The following STAG1 variants were observed in gnomAD, a reference collection of about 807,000 sequenced individuals.
The protein encoded by STAG1 is STAG1 cohesin complex component.
STAG1 carries 26 observed loss-of-function variants against 170.9 expected under a neutral mutation model. The ratio of observed to expected loss-of-function variants is 0.15; its 90% CI spans 0.11 to 0.21. The LOEUF is 0.21. STAG1 is among the 10% of genes least tolerant of loss of function. The pLI, the probability that STAG1 is intolerant of heterozygous loss-of-function variation, is 1.00. For missense variants in STAG1, 964 were observed against 1,509.5 expected (o/e 0.64, Z 5.99); for synonymous variants, 514 against 497.7 (o/e 1.03, Z -0.44).
intron 1 of STAG1, among the ~76,000 whole-genome samples, chr3:136,660,841 C>T (rs531116128): frequency 1.3e-5 from 2 of 151,966 alleles, no homozygotes; most frequent in Non-Finnish European, 2.9e-5. Flanking sequence ...TAGTGGTACA[C>T]GCCTGTAGTC....
intron 1 of STAG1, among the ~76,000 whole-genome samples, chr3:136,733,257 G>A (rs560570975): frequency 1.3e-5 from 2 of 151,598 alleles, no homozygotes; most frequent in Non-Finnish European, 2.9e-5. Flanking sequence ...GCTAATTTTT[G>A]TATTTTTTTG....
At chr3:136,394,938 C>CAAAA (rs778204800) in intron 22 of STAG1, among the ~76,000 whole-genome samples, 1 of 59,296 alleles carries the variant, frequency 1.7e-5, no homozygotes, top group Non-Finnish European at 3.7e-5. Flanking sequence ...GACTCTGTCT[C>CAAAA]AAAAAAAAAA....
intron 1 of STAG1, among the ~76,000 whole-genome samples, chr3:136,700,500 A>G (rs976349020): frequency 6.6e-6 from 1 of 150,554 alleles, no homozygotes; most frequent in Non-Finnish European, 1.5e-5. Context: ...GCTCACCGCA[A>G]CCTCCACCTC....
At chr3:136,502,032 T>G (rs1258810874) in intron 8 of STAG1, among the ~76,000 whole-genome samples, 1 of 151,850 alleles carries the variant, frequency 6.6e-6, no homozygotes, top group Non-Finnish European at 1.5e-5. Flanking sequence ...AAATACAAAA[T>G]TAGCCAGGAG....
At chr3:136,751,957 C>G (rs548575145) in intron 1 of STAG1, among the ~76,000 whole-genome samples, 72 of 150,904 alleles carry the variant, frequency 4.8e-4, no homozygotes, top group African/African-American at 1.6e-3. Context: ...GGGTGCCCAC[C>G]GCGCCCACAG....
intron 1 of STAG1, among the ~76,000 whole-genome samples, chr3:136,736,238 AGGCAGCACCAAT>A: frequency 6.6e-6 from 1 of 152,370 alleles, no homozygotes; most frequent in East Asian, 1.9e-4. Context: ...TGGGAAGAGA[AGGCAGCACCAAT>A]GGCGGCACCT....
intron 4 of STAG1, among the ~76,000 whole-genome samples, chr3:136,583,405 T>A (rs1937639772): frequency 6.6e-6 from 1 of 152,146 alleles, no homozygotes; most frequent in Non-Finnish European, 1.5e-5. Context: ...TTATCATGAA[T>A]TTTTTTAATG....
chr3:136,509,389 G>GGA (rs1412586853), intron 7 of STAG1, among the ~76,000 whole-genome samples: 1 of 146,308 alleles, frequency 6.8e-6, no homozygotes, highest in Non-Finnish European at 1.5e-5. Flanking sequence ...AGGACCACTT[G>GGA]GAAAAAAAAA....
intron 4 of STAG1, among the ~76,000 whole-genome samples, chr3:136,580,557 C>T (rs1370233367): frequency 4.7e-5 from 6 of 128,756 alleles, no homozygotes; most frequent in African/African-American, 1.2e-4. Context: ...GACGGAGTCT[C>T]GCTCTGTCGC....
At chr3:136,619,041 A>G (rs999469960) in intron 3 of STAG1, among the ~76,000 whole-genome samples, 4 of 152,250 alleles carry the variant, frequency 2.6e-5, no homozygotes, top group African/African-American at 9.6e-5. Context: ...GTGTACATAC[A>G]TAGAGGAGAA....
intron 1 of STAG1, among the ~76,000 whole-genome samples, chr3:136,666,793 C>A (rs552805736): frequency 1.3e-5 from 2 of 150,976 alleles, no homozygotes; most frequent in Admixed American, 6.6e-5. Context: ...GCACTCCAGC[C>A]TGGGTGACAG....
chr3:136,728,407 T>C (rs764513079), intron 1 of STAG1, among the ~76,000 whole-genome samples: 1 of 152,136 alleles, frequency 6.6e-6, no homozygotes. Context: ...AAAGGGAGCA[T>C]AAAGGAAGCC....
At chr3:136,707,848 G>A (rs552107000) in intron 1 of STAG1, among the ~76,000 whole-genome samples, 1 of 152,124 alleles carries the variant, frequency 6.6e-6, no homozygotes, top group Non-Finnish European at 1.5e-5. Context: ...TGAAGGATCT[G>A]CCCTCATAAC....
At chr3:136,673,241 A>G (rs1419173718) in intron 1 of STAG1, among the ~76,000 whole-genome samples, 4 of 152,236 alleles carry the variant, frequency 2.6e-5, no homozygotes, top group Non-Finnish European at 5.9e-5. Context: ...GAGGAAGAAT[A>G]CGTAGCAAAG....
At chr3:136,609,514 A>C (rs571577530) in intron 3 of STAG1, 1 of 153,070 alleles carries the variant, frequency 6.5e-6, no homozygotes, top group Non-Finnish European at 1.5e-5. Context: ...GCTAACCAAA[A>C]AACTATAGAT....
intron 2 of STAG1, among the ~76,000 whole-genome samples, chr3:136,627,775 G>A (rs73230010): frequency 0.012 from 1,817 of 152,280 alleles, 22 homozygotes; most frequent in Non-Finnish European, 0.02. Flanking sequence ...TAAGAGCATG[G>A]AAGAGTAAGA....
chr3:136,598,423 T>C (rs201187157), intron 4 of STAG1, among the ~76,000 whole-genome samples: 1 of 138,788 alleles, frequency 7.2e-6, no homozygotes, highest in Non-Finnish European at 1.5e-5. Flanking sequence ...TAATACAACC[T>C]TTTTTTTTTT....
intron 1 of STAG1, among the ~76,000 whole-genome samples, chr3:136,747,969 G>A (rs1935031968): frequency 6.6e-6 from 1 of 151,288 alleles, no homozygotes. Flanking sequence ...GTAGAGACAG[G>A]GTTTCACCGT....
At chr3:136,695,673 A>G (rs1942864251) in intron 1 of STAG1, among the ~76,000 whole-genome samples, 1 of 152,098 alleles carries the variant, frequency 6.6e-6, no homozygotes, top group Admixed American at 6.5e-5. Context: ...CAGGAGGGTG[A>G]AAGTCCCCAT....
Sources: gnomAD v4.1 joint callset for allele counts (sites outside exome capture counted in the v4.1 genomes callset) on GRCh38, gnomAD v4.1.1 for gene constraint, MANE v1.5 for transcripts, NCBI Gene and HGNC (gene_info 2026-07-23, HGNC 2026-07-21) for gene names.